Variants in SMIM23 observed in about 807,000 individuals in gnomAD.
SMIM23 encodes the protein CTB-78H18.1.
SMIM23 carries 10 observed loss-of-function variants against 12.8 expected under a neutral mutation model. That is an observed-to-expected ratio of 0.78 (90% CI 0.48 to 1.32). SMIM23 has a LOEUF of 1.32. Ranked by LOEUF, SMIM23 falls within the 40% of genes most tolerant of loss-of-function variation. The probability of loss-of-function intolerance (pLI) is 0.00; values close to 1 mark genes in which losing one functional copy is unlikely to be tolerated. For missense variants in SMIM23, 184 were observed against 198.2 expected (o/e 0.93, Z 0.43); for synonymous variants, 78 against 80.1 (o/e 0.97, Z 0.14).
At position 171,790,931 on chromosome 5, in the gene SMIM23, T is replaced by G. The variant is rs1208963005; in HGVS notation, c.362T>G (p.Leu121Arg). The change falls in exon 4 of 4, where the codon CTG becomes CGG. Residue 121 changes from leucine (L) to arginine (R), a missense_variant. Physicochemically the swap from Leu to Arg is moderately radical, Grantham distance 102. Transcript: ENST00000523047. ...CAGCTGGAGCAGCTAGCGTGGGACC[T>G]GGAACTGTGGCTGGATGCTCTTCTG... is the stretch of plus-strand genomic sequence containing the variant. ...VQQLEQLAWDLELWLDALLGE... is the reference protein window; with the variant it reads ...VQQLEQLAWDRELWLDALLGE... 2 of 1,536,004 alleles carry G rather than the reference T, an allele frequency of 1.3e-6. No homozygotes were observed. Among genetic ancestry groups the G allele is most frequent in the African/African-American group, 2.7e-5 (2 of 73,048 alleles).
chr5:171,786,308 T>C (rs997822678), intron 1 of SMIM23, among the ~76,000 whole-genome samples: 8 of 152,160 alleles, frequency 5.3e-5, no homozygotes, highest in Non-Finnish European at 1.2e-4. Context: ...TACTCCTGAA[T>C]TGGAGCGCTC....
chr5:171,790,517 T>A lies in SMIM23; in HGVS notation c.193T>A (p.Cys65Ser). 1.3e-6 allele frequency: 2 copies of A among 1,536,772 alleles called. No homozygotes were observed. Among genetic ancestry groups the A allele is most frequent in the South Asian group, 1.2e-5 (1 of 84,056 alleles). The change falls in exon 3 of 4, where the codon TGT becomes AGT. Residue 65 changes from cysteine to serine, a missense_variant. By Grantham distance (112) the Cys-to-Ser change is moderately radical. Transcript: ENST00000523047. Reference sequence around the variant, plus strand: ...GGAGGTGTCAGAAAGGATCAGAGAATGTAACTACTACCAGAATCTTGCAGT... The same window carrying A: ...GGAGGTGTCAGAAAGGATCAGAGAAAGTAACTACTACCAGAATCTTGCAGT... ...SWEVSERIRECNYYQNLAVPQ... is the reference protein window; with the variant it reads ...SWEVSERIRESNYYQNLAVPQ...
the SMIM23 span, among the ~76,000 whole-genome samples, chr5:171,774,915 C>G: frequency 6.6e-6 from 1 of 152,082 alleles, no homozygotes; most frequent in East Asian, 1.9e-4. Context: ...AAGTGCAGAC[C>G]CAGGAGGCCC....
chr5:171,774,805 A>C, the SMIM23 span: 1 of 358,808 alleles, frequency 2.8e-6, no homozygotes, highest in South Asian at 2.1e-5. Flanking sequence ...AGACAAAAAC[A>C]AACTGGCTCA....
At chr5:171,782,121 G>A (rs150506407), upstream of SMIM23, among the ~76,000 whole-genome samples, 58 of 152,198 alleles carry the variant, frequency 3.8e-4, no homozygotes, top group South Asian at 3.1e-3. Flanking sequence ...TCACTCTTTC[G>A]GTCCACCACC....
chr5:171,790,353 T>C, intron 2 of SMIM23, 72 bp downstream of exon 2: 1 of 1,523,152 alleles, frequency 6.6e-7, no homozygotes, highest in Non-Finnish European at 8.8e-7. Context: ...CCAAAGATGG[T>C]TGTATGTTAA....
the SMIM23 span, chr5:171,774,764 T>C: frequency 2.7e-6 from 1 of 368,972 alleles, no homozygotes; most frequent in Non-Finnish European, 5.4e-6. Flanking sequence ...AATCCCTCTA[T>C]TCCCAACTGC....
chr5:171,773,785 C>A, the SMIM23 span: 2 of 456,138 alleles, frequency 4.4e-6, no homozygotes, highest in African/African-American at 2.0e-5. Context: ...GTGGCCAGAT[C>A]GCTCATTCTT....
chr5:171,790,300 G>C lies in SMIM23; in HGVS notation c.157+19G>C. 2.6e-6 allele frequency: 4 copies of C among 1,535,982 alleles called. No homozygotes were observed. Among genetic ancestry groups the C allele is most frequent in the Non-Finnish European group, 3.5e-6 (4 of 1,146,756 alleles). ...ATATGGGGTGAGCATTCTGGAATCT[G>C]AGAAAGAAGGAACCAAATCCACATG... On this transcript the variant is annotated intron_variant, in intron 2 of 3. Coordinates refer to ENST00000523047, the MANE Select transcript of SMIM23 (RefSeq NM_001289970.2).
chr5:171,790,958 G>C lies in SMIM23; in HGVS notation c.389G>C (p.Gly130Ala). 3 of 1,536,100 alleles carry C rather than the reference G, an allele frequency of 2.0e-6. No homozygotes were observed. The highest frequency in any genetic ancestry group is 2.7e-5 in the African/African-American group (2 of 73,164). ...DLELWLDALL[G>A]EPHQEEHCST... is the part of the protein sequence containing the mutation. ...GAACTGTGGCTGGATGCTCTTCTGG[G>C]AGAGCCACACCAGGAGGAGCACTGC... is the stretch of plus-strand genomic sequence containing the variant. The change falls in exon 4 of 4, where the codon GGA becomes GCA. Residue 130 changes from glycine to alanine, a missense_variant. Physicochemically the swap from Gly to Ala is moderately conservative, Grantham distance 60 (BLOSUM62 0). Coordinates refer to ENST00000523047, the MANE Select transcript of SMIM23 (RefSeq NM_001289970.2).
chr5:171,774,814 CA>C, the SMIM23 span: 1 of 357,482 alleles, frequency 2.8e-6, no homozygotes, highest in Non-Finnish European at 5.5e-6. Context: ...CAAACTGGCT[CA>C]AGGTCTGTGG....
chr5:171,788,890 A>G (rs2113652722), intron 1 of SMIM23, among the ~76,000 whole-genome samples: 1 of 152,372 alleles, frequency 6.6e-6, no homozygotes, highest in African/African-American at 2.4e-5. Flanking sequence ...CCCAGACTGG[A>G]GTGCAGTGGC....
chr5:171,788,817 T>C (rs1033562213), intron 1 of SMIM23, among the ~76,000 whole-genome samples: 71 of 152,314 alleles, frequency 4.7e-4, no homozygotes, highest in Non-Finnish European at 8.7e-4. Flanking sequence ...AAAATCTTGA[T>C]ACCAAAACTT....
At chr5:171,783,636 C>T (rs987410944), upstream of SMIM23, among the ~76,000 whole-genome samples, 4 of 152,128 alleles carry the variant, frequency 2.6e-5, no homozygotes, top group African/African-American at 7.2e-5. Flanking sequence ...TCTTCGGAAC[C>T]TAGGGCTAGG....
chr5:171,777,949 T>C (rs1203382455), upstream of SMIM23, among the ~76,000 whole-genome samples: 1 of 152,182 alleles, frequency 6.6e-6, no homozygotes, highest in Non-Finnish European at 1.5e-5. Context: ...AAAGACACAG[T>C]AGTGGGCTGA....
At position 171,790,549 on chromosome 5, in the gene SMIM23, G is replaced by C; in HGVS notation, c.225G>C (p.Gln75His). The C allele has an allele frequency of 2.6e-6, 4 of 1,536,666 alleles. No individual in the cohort carries two copies. The highest frequency in any genetic ancestry group is 3.5e-6 in the Non-Finnish European group (4 of 1,146,980). Residue 75 changes from glutamine to histidine, a missense_variant and splice_region_variant, in exon 3 of 4, where the codon CAG becomes CAC. By Grantham distance (24) the Gln-to-His change is conservative. Transcript: ENST00000523047. ...ACTACCAGAATCTTGCAGTTCCCCA[G>C]GTAACATGTCCAGCAAGGTACTGAG... ...CNYYQNLAVP[Q>H]GLEYQTNEPS...
intron 1 of SMIM23, 36 bp downstream of exon 1, chr5:171,786,012 A>G: frequency 2.0e-6 from 3 of 1,498,590 alleles, no homozygotes; most frequent in Non-Finnish European, 2.7e-6. Context: ...CTTTCCTCCC[A>G]TCTGGGCTCC....
chr5:171,787,031 T>C (rs1023422321), intron 1 of SMIM23, among the ~76,000 whole-genome samples: 1 of 88,838 alleles, frequency 1.1e-5, no homozygotes, highest in African/African-American at 3.8e-5. Flanking sequence ...TTTTTTTTTT[T>C]TTTTTCTGAG....
At chr5:171,786,868 C>T (rs2113650137) in intron 1 of SMIM23, among the ~76,000 whole-genome samples, 1 of 152,226 alleles carries the variant, frequency 6.6e-6, no homozygotes, top group East Asian at 1.9e-4. Context: ...AGGCTGCATA[C>T]CCGCATCCCC....
Sources: allele counts gnomAD v4.1 joint callset (sites outside exome capture counted in the v4.1 genomes callset), GRCh38; gene constraint gnomAD v4.1.1; transcripts MANE v1.5; gene names NCBI Gene and HGNC (gene_info 2026-07-23, HGNC 2026-07-21).